The following CNTNAP5 variants were observed in gnomAD, a reference collection of about 807,000 sequenced individuals.
CNTNAP5 encodes the protein contactin associated protein family member 5, also known as contactin-associated protein-like 5.
A neutral mutation model predicts 150.2 loss-of-function variants in CNTNAP5; 72 were observed. The observed-to-expected ratio is 0.48, with a 90% confidence interval of 0.40 to 0.58. The LOEUF is 0.58. Among genes scored for constraint, CNTNAP5 ranks in the 20% least tolerant of loss-of-function variants. The probability of loss-of-function intolerance (pLI) is 0.00; values close to 1 mark genes in which losing one functional copy is unlikely to be tolerated. For synonymous variants in CNTNAP5, 672 were observed against 619.8 expected (o/e 1.08, Z -1.25); for missense variants, 1,636 against 1,626.2 (o/e 1.01, Z -0.10).
chr2:124,086,549 C>T (rs920267863), intron 1 of CNTNAP5, among the ~76,000 whole-genome samples: 1 of 151,282 alleles, frequency 6.6e-6, no homozygotes, highest in African/African-American at 2.4e-5. Flanking sequence ...GTGTATTGAC[C>T]CTTTTATCAG....
At chr2:124,271,705 T>A (rs146773473) in intron 3 of CNTNAP5, among the ~76,000 whole-genome samples, 4 of 26,676 alleles carry the variant, frequency 1.5e-4, no homozygotes, top group Admixed American at 5.2e-4. Flanking sequence ...ATCTATCATC[T>A]ATCTATCTAT....
intron 3 of CNTNAP5, among the ~76,000 whole-genome samples, chr2:124,343,322 C>T (rs1184727465): frequency 6.6e-6 from 1 of 152,052 alleles, no homozygotes; most frequent in African/African-American, 2.4e-5. Context: ...ATGAATGTAA[C>T]TTAAAGAAAG....
intron 11 of CNTNAP5, among the ~76,000 whole-genome samples, chr2:124,575,790 GC>G (rs1262175122): frequency 3.3e-5 from 5 of 152,112 alleles, no homozygotes; most frequent in Non-Finnish European, 7.4e-5. Context: ...TATTACTCTT[GC>G]AAAATAGGTA....
At chr2:124,452,328 G>A (rs571374581) in intron 6 of CNTNAP5, among the ~76,000 whole-genome samples, 1 of 152,034 alleles carries the variant, frequency 6.6e-6, no homozygotes, top group African/African-American at 2.4e-5. Context: ...AATCCTTCTA[G>A]GAACATAACT....
chr2:124,829,526 T>G (rs1682668800), intron 19 of CNTNAP5, among the ~76,000 whole-genome samples: 1 of 152,052 alleles, frequency 6.6e-6, no homozygotes, highest in African/African-American at 2.4e-5. Context: ...TCAACAGGAC[T>G]ATACAAGGAT....
At chr2:124,809,586 TAA>T (rs58645703) in intron 19 of CNTNAP5, among the ~76,000 whole-genome samples, 3 of 150,402 alleles carry the variant, frequency 2.0e-5, no homozygotes, top group Admixed American at 6.6e-5. Flanking sequence ...ACATGATCTT[TAA>T]AAAAAAACCT....
At chr2:124,893,040 A>C (rs923349928) in intron 21 of CNTNAP5, among the ~76,000 whole-genome samples, 5 of 152,102 alleles carry the variant, frequency 3.3e-5, no homozygotes, top group African/African-American at 1.2e-4. Context: ...TTCGGGGGGA[A>C]AATGATTGCT....
chr2:124,839,141 G>T (rs996637660), intron 19 of CNTNAP5, among the ~76,000 whole-genome samples: 1 of 152,082 alleles, frequency 6.6e-6, no homozygotes, highest in Non-Finnish European at 1.5e-5. Flanking sequence ...TGGCTGAGAT[G>T]GGTGGTGCTC....
chr2:124,839,608 G>A (rs1016165346), intron 19 of CNTNAP5, among the ~76,000 whole-genome samples: 3 of 151,992 alleles, frequency 2.0e-5, no homozygotes, highest in Admixed American at 1.3e-4. Flanking sequence ...GAGAGCTGCA[G>A]TTTTTCCTTT....
At chr2:124,849,433 A>G (rs1573659106) in intron 19 of CNTNAP5, among the ~76,000 whole-genome samples, 1 of 152,104 alleles carries the variant, frequency 6.6e-6, no homozygotes. Flanking sequence ...TTTGATCACT[A>G]TAGTTTTGTA....
intron 13 of CNTNAP5, among the ~76,000 whole-genome samples, chr2:124,670,452 T>C (rs1481518894): frequency 2.6e-5 from 4 of 152,136 alleles, no homozygotes; most frequent in Non-Finnish European, 5.9e-5. Context: ...GTAAAAGTTC[T>C]TTATCTCAGA....
intron 1 of CNTNAP5, among the ~76,000 whole-genome samples, chr2:124,117,338 C>T (rs1011898614): frequency 1.3e-5 from 2 of 152,132 alleles, no homozygotes; most frequent in Admixed American, 6.5e-5. Context: ...TTGTCTCTTA[C>T]TTGTCTCACT....
chr2:124,562,655 C>A (rs114362124), intron 10 of CNTNAP5, among the ~76,000 whole-genome samples: 63 of 152,102 alleles, frequency 4.1e-4, no homozygotes, highest in Non-Finnish European at 6.2e-4. Flanking sequence ...AGTAGTGAAG[C>A]CTTTGTTTTA....
intron 7 of CNTNAP5, among the ~76,000 whole-genome samples, chr2:124,497,519 T>A (rs1005137627): frequency 2.0e-5 from 3 of 152,154 alleles, no homozygotes; most frequent in Non-Finnish European, 4.4e-5. Flanking sequence ...AGTTCTAAAG[T>A]TTTTCATGTA....
At chr2:124,856,779 G>C (rs1181040194) in intron 19 of CNTNAP5, among the ~76,000 whole-genome samples, 1 of 152,178 alleles carries the variant, frequency 6.6e-6, no homozygotes, top group Non-Finnish European at 1.5e-5. Context: ...TTCAGGAGGA[G>C]TGTAGTATCT....
intron 19 of CNTNAP5, among the ~76,000 whole-genome samples, chr2:124,846,743 A>AT (rs1192828834): frequency 6.6e-6 from 1 of 152,078 alleles, no homozygotes; most frequent in Non-Finnish European, 1.5e-5. Flanking sequence ...TAGTGTTAAG[A>AT]TTTTTTCATT....
At chr2:124,533,844 C>G (rs1695171534) in intron 10 of CNTNAP5, among the ~76,000 whole-genome samples, 1 of 152,192 alleles carries the variant, frequency 6.6e-6, no homozygotes. Flanking sequence ...GGTTCTAGAA[C>G]AGCTACAGCT....
At chr2:124,814,334 TC>T (rs1163167529) in intron 19 of CNTNAP5, among the ~76,000 whole-genome samples, 1 of 152,054 alleles carries the variant, frequency 6.6e-6, no homozygotes, top group Non-Finnish European at 1.5e-5. Context: ...TGGGAAGCTT[TC>T]CTGGTCCCCT....
At position 124,507,222 on chromosome 2, in the gene CNTNAP5, G is replaced by A. The variant is rs547008186; in HGVS notation, c.1327+2666G>A. Among the ~76,000 whole-genome samples, 15 of 152,166 alleles carry A rather than the reference G, an allele frequency of 9.9e-5. No homozygotes were observed. In the South Asian group the frequency reaches 3.1e-3, roughly 32 times the overall value. Reference sequence around the variant, plus strand: ...ACCTGTAATCCTACCACTTTGAGAGGCCAAGGAGGGCAGATCTCATGAGCC... The same window carrying A: ...ACCTGTAATCCTACCACTTTGAGAGACCAAGGAGGGCAGATCTCATGAGCC... On this transcript the variant is annotated intron_variant, in intron 8 of 23. Transcript: ENST00000682447.
Sources: allele counts gnomAD v4.1 joint callset (sites outside exome capture counted in the v4.1 genomes callset), GRCh38; gene constraint gnomAD v4.1.1; transcripts MANE v1.5; gene names NCBI Gene and HGNC (gene_info 2026-07-23, HGNC 2026-07-21).